UTP20: variants seen among roughly 807,000 people sequenced by gnomAD.
UTP20 encodes the protein UTP20 small subunit processome component, also known as small subunit processome component 20 homolog.
UTP20 carries 164 observed loss-of-function variants against 329.5 expected under a neutral mutation model. The ratio of observed to expected loss-of-function variants is 0.50; its 90% CI spans 0.44 to 0.57. The LOEUF is 0.57. Among genes scored for constraint, UTP20 ranks in the 20% least tolerant of loss-of-function variants. The pLI, the probability that UTP20 is intolerant of heterozygous loss-of-function variation, is 0.00. For missense variants in UTP20, 3,055 were observed against 3,284.2 expected (o/e 0.93, Z 1.71); for synonymous variants, 1,151 against 1,159.3 (o/e 0.99, Z 0.14).
chr12:101,323,071 C>T (rs190299722), intron 25 of UTP20, among the ~76,000 whole-genome samples: 2 of 152,090 alleles, frequency 1.3e-5, no homozygotes, highest in African/African-American at 4.8e-5. Context: ...TACACCCATA[C>T]AAGTTTTTGA....
chr12:101,330,859 T>C (rs1345510604), intron 27 of UTP20, among the ~76,000 whole-genome samples: 2 of 152,226 alleles, frequency 1.3e-5, no homozygotes, highest in Non-Finnish European at 2.9e-5. Context: ...TGTTGACAGA[T>C]AGGAGCTTTC....
intron 43 of UTP20, 151 bp downstream of exon 43, chr12:101,357,233 T>A: frequency 1.5e-6 from 1 of 667,594 alleles, no homozygotes; most frequent in African/African-American, 1.9e-5. Context: ...CAATTAGTAT[T>A]AAGGAAATCT....
intron 11 of UTP20, among the ~76,000 whole-genome samples, chr12:101,293,848 G>T (rs1872253239): frequency 6.6e-6 from 1 of 151,766 alleles, no homozygotes; most frequent in Non-Finnish European, 1.5e-5. Flanking sequence ...TTTAACAACT[G>T]CATTTTTCCT....
rs1593428259 is a variant in UTP20 at position 101,312,367 on chromosome 12, G to C, written c.2552+91G>C. 2.0e-6 allele frequency: 3 copies of C among 1,504,568 alleles called. No individual in the cohort carries two copies. The East Asian group carries it at 6.8e-5, about 34-fold the overall frequency. 93.2% of individuals were successfully genotyped at this position (1,504,568 alleles called of 1,614,324 possible). On this transcript the variant is annotated intron_variant, in intron 21 of 61. Coordinates refer to ENST00000261637, the MANE Select transcript of UTP20 (RefSeq NM_014503.3). ...ACCTCCCAAAGTGGCTGAGTTCTTT[G>C]TTTTTTGCCTTCTTTCTTTCTGCTT...
chr12:101,283,686 A>G (rs1322909601), intron 2 of UTP20, among the ~76,000 whole-genome samples: 1 of 152,244 alleles, frequency 6.6e-6, no homozygotes, highest in East Asian at 1.9e-4. Flanking sequence ...CTTAAAGGAC[A>G]TGAAAACAAC....
chr12:101,370,750 C>T (rs1870258207), intron 50 of UTP20, among the ~76,000 whole-genome samples, 187 bp downstream of exon 50: 1 of 152,196 alleles, frequency 6.6e-6, no homozygotes, highest in Admixed American at 6.5e-5. Flanking sequence ...TAAATGTGAG[C>T]TCTGTATTAA....
At chr12:101,312,355 G>C (rs562717618) in intron 21 of UTP20, 79 bp downstream of exon 21, 1 of 1,534,556 alleles carries the variant, frequency 6.5e-7, no homozygotes, top group East Asian at 2.3e-5. Context: ...TCCCAAAGTG[G>C]CTGAGTTCTT....
Position 101,319,578 on chromosome 12 carries a change from A to G in UTP20, c.2772A>G (p.Lys924=). 3.7e-6 allele frequency: 6 copies of G among 1,608,246 alleles called. No individual in the cohort carries two copies. Among genetic ancestry groups the G allele is most frequent in the Non-Finnish European group, 5.1e-6 (6 of 1,179,172 alleles). The change falls in exon 23 of 62, where the codon AAA becomes AAG. Residue 924 remains lysine (K), a synonymous_variant. Coordinates refer to ENST00000261637, the MANE Select transcript of UTP20 (RefSeq NM_014503.3). ...TTGCTCATTTGCAAGTTTTCTCTAA[A>G]TTTTCAAATCCACGGGCCTTATATC... ...QLIAHLQVFS[K]FSNPRALYLE...
chr12:101,382,673 C>T (rs1319260101), intron 58 of UTP20, among the ~76,000 whole-genome samples: 9 of 151,750 alleles, frequency 5.9e-5, no homozygotes, highest in African/African-American at 2.2e-4. Flanking sequence ...GCCAACATGG[C>T]GAAACCCCGT....
At chr12:101,336,312 G>T (rs1565797155) in intron 29 of UTP20, among the ~76,000 whole-genome samples, 1 of 152,178 alleles carries the variant, frequency 6.6e-6, no homozygotes, top group Non-Finnish European at 1.5e-5. Flanking sequence ...TTTAGATTTT[G>T]AAGTGTAGTT....
In UTP20 at chr12:101,312,142, A is replaced by G. The variant is rs1156814016; in HGVS notation, c.2418A>G (p.Ala806=). ...GAGCTCTTTATCATGAGCAGTTAGCATTGAAAACTGACTGTCAGGAAAGAC... is the reference window on the plus strand; with the variant it reads ...GAGCTCTTTATCATGAGCAGTTAGCGTTGAAAACTGACTGTCAGGAAAGAC... ...DVGALYHEQL[A]LKTDCQERLD... Residue 806 remains alanine, a synonymous_variant, in exon 21 of 62, where the codon GCA becomes GCG. Transcript: ENST00000261637. 4 of 1,614,132 alleles carry G rather than the reference A, an allele frequency of 2.5e-6. No individual in the cohort carries two copies. In the African/African-American group the frequency reaches 5.3e-5, roughly 22 times the overall value.
At chr12:101,328,278 C>T (rs1868635512) in intron 26 of UTP20, among the ~76,000 whole-genome samples, 1 of 152,178 alleles carries the variant, frequency 6.6e-6, no homozygotes, top group Non-Finnish European at 1.5e-5. Flanking sequence ...ATAGATGATA[C>T]TCTTATGGAT....
chr12:101,302,138 C>T (rs1319474276), intron 14 of UTP20, among the ~76,000 whole-genome samples: 1 of 152,130 alleles, frequency 6.6e-6, no homozygotes, highest in African/African-American at 2.4e-5. Context: ...CTGTGTGGCC[C>T]AGGCTAGTGT....
At chr12:101,326,044 C>T (rs1868540296) in intron 25 of UTP20, among the ~76,000 whole-genome samples, 1 of 152,110 alleles carries the variant, frequency 6.6e-6, no homozygotes, top group Non-Finnish European at 1.5e-5. Context: ...GTAATAGTAT[C>T]ATGTATGGGT....
intron 15 of UTP20, among the ~76,000 whole-genome samples, chr12:101,303,593 A>AGGTC (rs1164567490): frequency 6.6e-6 from 1 of 152,048 alleles, no homozygotes; most frequent in Non-Finnish European, 1.5e-5. Context: ...CAGCAAGGAG[A>AGGTC]GGTCATCTTG....
At chr12:101,308,152 T>TGACC (rs926486979) in intron 17 of UTP20, 33 bp from the exon 18 acceptor site, 3 of 1,465,440 alleles carry the variant, frequency 2.0e-6, no homozygotes, top group Non-Finnish European at 2.7e-6. Context: ...AAATACTGAC[T>TGACC]GGTCTTCTCC....
chr12:101,348,978 G>T (rs7294766), intron 38 of UTP20, among the ~76,000 whole-genome samples: 23,730 of 151,796 alleles, frequency 0.16, 4,231 homozygotes, highest in East Asian at 0.47. Context: ...CTTTGTTTTT[G>T]CAAGGTAATG....
intron 38 of UTP20, 33 bp from the exon 39 acceptor site, chr12:101,352,022 G>C: frequency 6.2e-7 from 1 of 1,609,626 alleles, no homozygotes; most frequent in Non-Finnish European, 8.5e-7. Flanking sequence ...GCAAATACTT[G>C]TTCTGCATTG....
Position 101,342,482 on chromosome 12 carries a change from T to C in UTP20, c.4138T>C (p.Leu1380=), listed in dbSNP as rs1565798835. The change falls in exon 33 of 62, where the codon TTG becomes CTG. Residue 1380 remains leucine (L), a synonymous_variant. Coordinates refer to ENST00000261637, the MANE Select transcript of UTP20 (RefSeq NM_014503.3). ...TGATATTCTGGTGACAGTACAAAAC[T>C]TGTTAAAGCATTGTGTGGACCCTAC... ...EVDILVTVQN[L]LKHCVDPTSF... 1 of 1,611,312 alleles carries C rather than the reference T, an allele frequency of 6.2e-7. No individual in the cohort carries two copies.
Sources: gnomAD v4.1 joint callset for allele counts (sites outside exome capture counted in the v4.1 genomes callset) on GRCh38, gnomAD v4.1.1 for gene constraint, MANE v1.5 for transcripts, NCBI Gene and HGNC (gene_info 2026-07-23, HGNC 2026-07-21) for gene names.